The following GRID2 variants were observed in gnomAD, a reference collection of about 807,000 sequenced individuals.
GRID2 encodes glutamate receptor ionotropic, delta-2.
A neutral mutation model predicts 114.8 loss-of-function variants in GRID2; 33 were observed. The ratio of observed to expected loss-of-function variants is 0.29; its 90% confidence interval spans 0.22 to 0.38. The LOEUF is 0.38. GRID2 is among the 10% of genes least tolerant of loss of function. GRID2 has a pLI of 1.00. For synonymous variants in GRID2, 505 were observed against 449.9 expected, an observed-to-expected ratio of 1.12 and a Z score of -1.55; for missense variants, 1,184 against 1,257.7, an observed-to-expected ratio of 0.94 and a Z score of 0.89.
At chr4:92,932,815 A>T (rs1750350796) in intron 2 of GRID2, among the ~76,000 whole-genome samples, 1 of 151,354 alleles carries the variant, frequency 6.6e-6, no homozygotes, top group Admixed American at 6.6e-5. Context: ...TATAAAAAGT[A>T]TATATCATAT....
At chr4:93,246,573 C>T in intron 8 of GRID2, among the ~76,000 whole-genome samples, 2 of 135,402 alleles carry the variant, frequency 1.5e-5, no homozygotes, top group East Asian at 2.2e-4. Flanking sequence ...GGTGACAATG[C>T]AAGACTCCTT....
chr4:93,036,481 G>C (rs903276794), intron 2 of GRID2, among the ~76,000 whole-genome samples: 4 of 151,954 alleles, frequency 2.6e-5, no homozygotes, highest in African/African-American at 9.7e-5. Flanking sequence ...GGAAAATTAA[G>C]TTTTATTATA....
chr4:93,036,085 G>T (rs911388238), intron 2 of GRID2, among the ~76,000 whole-genome samples: 3 of 151,912 alleles, frequency 2.0e-5, no homozygotes, highest in African/African-American at 7.3e-5. Context: ...TCTCACCTCT[G>T]GTTACCTTAA....
chr4:93,356,705 CAAA>C (rs1476032347), intron 8 of GRID2, among the ~76,000 whole-genome samples: 1 of 151,556 alleles, frequency 6.6e-6, no homozygotes, highest in Non-Finnish European at 1.5e-5. Context: ...AACGTGTAAA[CAAA>C]AAAAGTTGTA....
intron 2 of GRID2, among the ~76,000 whole-genome samples, chr4:92,633,937 AAG>A (rs1280297821): frequency 1.3e-5 from 2 of 151,924 alleles, no homozygotes; most frequent in African/African-American, 4.8e-5. Context: ...ACTTTCACAA[AAG>A]AGAGGAAATC....
chr4:92,771,612 T>C (rs1423472725), intron 2 of GRID2, among the ~76,000 whole-genome samples: 3 of 152,100 alleles, frequency 2.0e-5, no homozygotes, highest in Admixed American at 2.0e-4. Context: ...ACATAATTCT[T>C]CCTTTGATTA....
intron 2 of GRID2, among the ~76,000 whole-genome samples, chr4:92,673,991 TAAAA>T (rs139634743): frequency 0.061 from 9,245 of 151,988 alleles, 333 homozygotes; most frequent in East Asian, 0.16. Context: ...AAAAAATAAA[TAAAA>T]AAAGAAGGCA....
chr4:92,802,205 G>A (rs913719332), intron 2 of GRID2, among the ~76,000 whole-genome samples: 9 of 151,740 alleles, frequency 5.9e-5, no homozygotes, highest in African/African-American at 1.4e-4. Context: ...TAAAGCCCCC[G>A]TCCCTACATA....
chr4:93,619,247 C>G (rs1264803917), intron 13 of GRID2, among the ~76,000 whole-genome samples: 2 of 152,136 alleles, frequency 1.3e-5, no homozygotes, highest in Non-Finnish European at 2.9e-5. Context: ...TGAGTTTGAT[C>G]ATGATTTATT....
intron 2 of GRID2, among the ~76,000 whole-genome samples, chr4:93,027,845 G>A (rs1724024091): frequency 6.6e-6 from 1 of 151,866 alleles, no homozygotes; most frequent in South Asian, 2.1e-4. Flanking sequence ...ATTTCTAAAA[G>A]CACCACACAT....
intron 2 of GRID2, among the ~76,000 whole-genome samples, chr4:93,044,584 A>C (rs1725944102): frequency 6.6e-6 from 1 of 152,202 alleles, no homozygotes; most frequent in Non-Finnish European, 1.5e-5. Flanking sequence ...ATGTTGAAAA[A>C]TCAAAGAGAA....
chr4:93,125,631 T>TAACCG (rs1425133606), intron 4 of GRID2, among the ~76,000 whole-genome samples: 8 of 152,292 alleles, frequency 5.3e-5, no homozygotes, highest in Admixed American at 2.6e-4. Flanking sequence ...GAAATTACTT[T>TAACCG]TTTTTAACCG....
At chr4:93,370,576 G>A (rs531868596) in intron 8 of GRID2, among the ~76,000 whole-genome samples, 67 of 151,944 alleles carry the variant, frequency 4.4e-4, no homozygotes, top group African/African-American at 1.6e-3. Context: ...ATCATAAACT[G>A]CATTTGCTCA....
chr4:93,292,683 A>G (rs1753874290), intron 8 of GRID2, among the ~76,000 whole-genome samples: 1 of 152,206 alleles, frequency 6.6e-6, no homozygotes, highest in African/African-American at 2.4e-5. Context: ...AATTTTAAAA[A>G]TAGTGGTTTT....
intron 1 of GRID2, among the ~76,000 whole-genome samples, chr4:92,335,016 T>C (rs1727091047): frequency 6.6e-6 from 1 of 152,230 alleles, no homozygotes; most frequent in African/African-American, 2.4e-5. Context: ...TATTCTACAT[T>C]AAGAATTTGA....
intron 2 of GRID2, among the ~76,000 whole-genome samples, chr4:92,925,358 G>A (rs1749728746): frequency 6.6e-6 from 1 of 151,950 alleles, no homozygotes. Flanking sequence ...CATTATAAGA[G>A]ATCTCTGGAG....
At chr4:93,511,605 G>T (rs1729190335) in intron 12 of GRID2, among the ~76,000 whole-genome samples, 1 of 152,064 alleles carries the variant, frequency 6.6e-6, no homozygotes, top group Non-Finnish European at 1.5e-5. Flanking sequence ...TAAGACTGTG[G>T]GTTTGAGAGA....
chr4:92,879,217 A>G lies in GRID2; in HGVS notation c.245-205778A>G, dbSNP rs185524801. Among the ~76,000 whole-genome samples, 934 of 152,278 alleles carry G rather than the reference A, an allele frequency of 6.1e-3. 7 individuals carry two copies. The highest frequency in any genetic ancestry group is 9.3e-3 in the Non-Finnish European group (631 of 67,988). On this transcript the variant is annotated intron_variant, in intron 2 of 15. Transcript: ENST00000282020. ...CTTTCTAAGTATATATATTTTTAAA[A>G]GTAGGAGGTATGAGGGTATTGATAC...
intron 2 of GRID2, among the ~76,000 whole-genome samples, chr4:92,632,383 C>T (rs890023067): frequency 6.6e-6 from 1 of 151,942 alleles, no homozygotes; most frequent in African/African-American, 2.4e-5. Context: ...ACCTGTAATC[C>T]CAAGAATTTG....
Sources: gnomAD v4.1 joint callset for allele counts (sites outside exome capture counted in the v4.1 genomes callset) on GRCh38, gnomAD v4.1.1 for gene constraint, MANE v1.5 for transcripts, NCBI Gene and HGNC (gene_info 2026-07-23, HGNC 2026-07-21) for gene names.